Variants in TNFSF15 observed in about 807,000 individuals in gnomAD.
The protein encoded by TNFSF15 is TNF superfamily member 15, also known as tumor necrosis factor ligand superfamily member 15.
Under a neutral mutation model 26.4 loss-of-function variants are expected in TNFSF15, and 15 were observed. That is an observed-to-expected ratio of 0.57 (90% CI 0.38 to 0.87). The LOEUF (loss-of-function observed/expected upper bound fraction) is 0.87, where lower values mean the gene tolerates loss of function less well. TNFSF15 is among the 40% of genes least tolerant of loss of function. TNFSF15 has a pLI of 0.00. For missense variants in TNFSF15, 290 were observed against 306.1 expected (o/e 0.95, Z 0.39); for synonymous variants, 116 against 115.0 (o/e 1.01, Z -0.06).
At chr9:114,795,351 T>C (rs1829660934) in intron 1 of TNFSF15, among the ~76,000 whole-genome samples, 1 of 152,192 alleles carries the variant, frequency 6.6e-6, no homozygotes, top group African/African-American at 2.4e-5. Flanking sequence ...AAAATGTGTG[T>C]GTTGTGAGTG....
At position 114,803,908 on chromosome 9, in the gene TNFSF15, T is replaced by C. The variant is rs564956702; in HGVS notation, c.210+1895A>G. Among the ~76,000 whole-genome samples the C allele has an allele frequency of 1.3e-5, 2 of 152,364 alleles. 1 individual carries two copies. Among genetic ancestry groups the C allele is most frequent in the South Asian group, 4.1e-4 (2 of 4,834 alleles). The stretch of plus-strand genomic sequence containing the variant: ...GCTAGTGCTGGATGTTCCAGCCCTT[T>C]CAGTTCCCTTCAATCCGTCTGCATC... On this transcript the variant is annotated intron_variant, in intron 1 of 3. Coordinates refer to ENST00000374045, the MANE Select transcript of TNFSF15 (RefSeq NM_005118.4).
At chr9:114,805,751 A>C in intron 1 of TNFSF15, 52 bp downstream of exon 1, 1 of 1,540,780 alleles carries the variant, frequency 6.5e-7, no homozygotes, top group Non-Finnish European at 8.9e-7. Flanking sequence ...GTTGCCACTC[A>C]CTGCAGAGAG....
chr9:114,797,002 G>A (rs889659894), intron 1 of TNFSF15, among the ~76,000 whole-genome samples: 4 of 152,166 alleles, frequency 2.6e-5, no homozygotes, highest in Admixed American at 6.5e-5. Flanking sequence ...TGATCCTTTG[G>A]CAAGGCAGAA....
intron 3 of TNFSF15, 73 bp downstream of exon 3, chr9:114,792,334 T>G: frequency 6.4e-7 from 1 of 1,559,596 alleles, no homozygotes; most frequent in Non-Finnish European, 8.7e-7. Flanking sequence ...TAGAATGAAT[T>G]TTGGTAAAGT....
chr9:114,792,224 T>TAC (rs142936750), intron 3 of TNFSF15, 183 bp downstream of exon 3: 13,473 of 557,978 alleles, frequency 0.024, 84 homozygotes, highest in Middle Eastern at 0.031. Flanking sequence ...CATATGTGTG[T>TAC]ACACACACAC....
chr9:114,803,283 T>G (rs1829772273), intron 1 of TNFSF15, among the ~76,000 whole-genome samples: 1 of 152,190 alleles, frequency 6.6e-6, no homozygotes, highest in African/African-American at 2.4e-5. Flanking sequence ...ACAGCCACCA[T>G]GTGCATGCGG....
intron 1 of TNFSF15, among the ~76,000 whole-genome samples, chr9:114,796,965 C>T (rs896785827): frequency 6.6e-6 from 1 of 152,162 alleles, no homozygotes; most frequent in Non-Finnish European, 1.5e-5. Flanking sequence ...CTATTGCCTT[C>T]CTTGATATTG....
At chr9:114,792,062 C>T (rs979983177) in intron 3 of TNFSF15, 1 of 244,394 alleles carries the variant, frequency 4.1e-6, no homozygotes, top group Non-Finnish European at 8.5e-6. Context: ...GGAACCCCCC[C>T]ACAGGGAAGA....
At position 114,785,036 on chromosome 9, in the gene TNFSF15, G is replaced by A. The variant is rs1193151447; in HGVS notation, c.*5416C>T. 1 of 152,218 alleles carries A rather than the reference G, an allele frequency of 6.6e-6. No individual in the cohort carries two copies. Among genetic ancestry groups the A allele is most frequent in the Non-Finnish European group, 1.5e-5 (1 of 68,034 alleles). The allele number at this position is 152,218 out of a possible 1,614,324, so 9.4% of individuals were successfully genotyped here. A position where few individuals can be genotyped will look rare whatever the true frequency, so the allele number is the denominator to read the frequency against. ...TGTTCCTCCTGAATGTATACACTGT[G>A]AGAGTAGGACTTGCCTGTCGCATTC... On this transcript the variant is annotated 3_prime_UTR_variant, in exon 4 of 4. Transcript: ENST00000374045.
At position 114,790,447 on chromosome 9, in the gene TNFSF15, T is replaced by A. The variant is rs1429169799; in HGVS notation, c.*5A>T. On this transcript the variant is annotated 3_prime_UTR_variant, in exon 4 of 4. Transcript: ENST00000374045. ...GACTTTCATATAATGATATTTGCTC[T>A]CCTCCTATAGTAAGAAGGCTCCAAA... 1.3e-6 allele frequency: 2 copies of A among 1,572,140 alleles called. No homozygotes were observed. Among genetic ancestry groups the A allele is most frequent in the Non-Finnish European group, 1.7e-6 (2 of 1,158,790 alleles).
intron 1 of TNFSF15, among the ~76,000 whole-genome samples, chr9:114,805,301 A>G (rs1829805565): frequency 6.6e-6 from 1 of 152,224 alleles, no homozygotes; most frequent in Non-Finnish European, 1.5e-5. Context: ...AAATCATAAT[A>G]TATTAGCAGA....
chr9:114,796,398 T>C (rs1829672692), intron 1 of TNFSF15, among the ~76,000 whole-genome samples: 1 of 152,246 alleles, frequency 6.6e-6, no homozygotes, highest in African/African-American at 2.4e-5. Context: ...GTCTTGGCAT[T>C]CAAAGTCCTA....
chr9:114,798,118 C>T (rs1166154169), intron 1 of TNFSF15, among the ~76,000 whole-genome samples: 1 of 152,180 alleles, frequency 6.6e-6, no homozygotes, highest in Non-Finnish European at 1.5e-5. Context: ...ACGAGGGCCT[C>T]TAAAGGTCTT....
chr9:114,795,924 C>T (rs1041198696), intron 1 of TNFSF15, among the ~76,000 whole-genome samples: 3 of 152,098 alleles, frequency 2.0e-5, no homozygotes, highest in African/African-American at 7.2e-5. Flanking sequence ...TTGTTAGAGC[C>T]GGGACCTCCA....
intron 1 of TNFSF15, 137 bp from the exon 2 acceptor site, chr9:114,793,705 GA>G: frequency 1.3e-6 from 1 of 770,856 alleles, no homozygotes; most frequent in Non-Finnish European, 2.2e-6. Context: ...AAATGAGAAT[GA>G]AAATATTTTT....
intron 3 of TNFSF15, 130 bp from the exon 4 acceptor site, chr9:114,791,036 G>A (rs1829590145): frequency 4.9e-6 from 4 of 822,808 alleles, no homozygotes; most frequent in Admixed American, 5.4e-5. Context: ...ACTGCTTTGG[G>A]GAGGAATGAA....
rs779892512 is a variant in TNFSF15, at chr9:114,790,862, C to T, written c.346G>A (p.Ala116Thr). 1 of 1,614,120 alleles carries T rather than the reference C, an allele frequency of 6.2e-7. No individual in the cohort carries two copies. Among genetic ancestry groups the T allele is most frequent in the Non-Finnish European group, 8.5e-7 (1 of 1,180,030 alleles). ...CCTAGTTCATGTTCCCAGTGCAGAG[C>T]TGGGAACTGATTTTTAAAGTGCTGT... ...PTQHFKNQFP[A>T]LHWEHELGLA... The change falls in exon 4 of 4, where the codon GCT becomes ACT. Residue 116 changes from alanine to threonine, a missense_variant. Ala to Thr is a moderately conservative substitution (Grantham distance 58, BLOSUM62 0). This residue lies in a region of TNFSF15 where 179 missense variants were observed against 165.9 expected (regional missense o/e 1.08). Coordinates refer to ENST00000374045, the MANE Select transcript of TNFSF15 (RefSeq NM_005118.4).
At chr9:114,798,674 G>A (rs2131305890) in intron 1 of TNFSF15, among the ~76,000 whole-genome samples, 1 of 152,108 alleles carries the variant, frequency 6.6e-6, no homozygotes, top group East Asian at 1.9e-4. Context: ...GAGGGCTTGG[G>A]ATCTGAACCT....
intron 1 of TNFSF15, among the ~76,000 whole-genome samples, chr9:114,800,010 C>T (rs1227953820): frequency 6.6e-6 from 1 of 152,120 alleles, no homozygotes; most frequent in Non-Finnish European, 1.5e-5. Flanking sequence ...TTACAAAGTA[C>T]TTTTATCTCA....
Sources: allele counts gnomAD v4.1 joint callset (sites outside exome capture counted in the v4.1 genomes callset), GRCh38; gene constraint gnomAD v4.1.1; regional missense constraint gnomAD v4.1.1; transcripts MANE v1.5; gene names NCBI Gene and HGNC (gene_info 2026-07-23, HGNC 2026-07-21).